Variants in SYNE1 observed in about 807,000 individuals in gnomAD.
SYNE1 encodes the protein spectrin repeat containing nuclear envelope protein 1, also known as nesprin-1.
In SYNE1, 616 loss-of-function variants were observed where a neutral mutation model predicts 1,111.0. The observed-to-expected ratio is 0.55, with a 90% CI of 0.52 to 0.59. SYNE1 has a LOEUF of 0.59. Among genes scored for constraint, SYNE1 ranks in the 20% least tolerant of loss-of-function variants. SYNE1 has a pLI of 0.00. For missense variants in SYNE1, 10,006 were observed against 10,417.0 expected (o/e 0.96, Z 1.72); for synonymous variants, 3,855 against 3,825.8 (o/e 1.01, Z -0.28).
intron 34 of SYNE1, among the ~76,000 whole-genome samples, chr6:152,431,526 T>C (rs2098428125): frequency 6.6e-6 from 1 of 152,226 alleles, no homozygotes; most frequent in Non-Finnish European, 1.5e-5. Flanking sequence ...TTTATGTGTG[T>C]CTGTGGAGTG....
chr6:152,456,581 C>T (rs900732900), intron 22 of SYNE1: 16 of 299,376 alleles, frequency 5.3e-5, no homozygotes, highest in Non-Finnish European at 7.8e-5. Context: ...GGTTCAGATC[C>T]TAATAAAAAA....
At chr6:152,222,544 A>G (rs1351190491) in intron 117 of SYNE1, among the ~76,000 whole-genome samples, 1 of 152,238 alleles carries the variant, frequency 6.6e-6, no homozygotes, top group Non-Finnish European at 1.5e-5. Context: ...ATGATTTTCA[A>G]TTGACAAATA....
chr6:152,403,311 G>GT (rs1251829122), intron 46 of SYNE1, among the ~76,000 whole-genome samples: 3 of 152,152 alleles, frequency 2.0e-5, no homozygotes, highest in African/African-American at 7.2e-5. Flanking sequence ...CATGGTTCCC[G>GT]TGGATTTGTG....
At chr6:152,575,515 C>A (rs868467985) in intron 3 of SYNE1, among the ~76,000 whole-genome samples, 20 of 152,220 alleles carry the variant, frequency 1.3e-4, no homozygotes, top group Middle Eastern at 3.4e-3. Flanking sequence ...AGTTGTTCAA[C>A]AATTTATTTA....
chr6:152,419,107 G>A (rs1033957759), intron 40 of SYNE1, among the ~76,000 whole-genome samples: 1 of 152,080 alleles, frequency 6.6e-6, no homozygotes, highest in Admixed American at 6.5e-5. Context: ...TTATTTGAAC[G>A]TTCAGAGAGC....
chr6:152,428,166 A>T, intron 37 of SYNE1, 39 bp downstream of exon 37: 4 of 1,609,236 alleles, frequency 2.5e-6, no homozygotes, highest in African/African-American at 1.3e-5. Context: ...AGAATTTCCT[A>T]TTTAGTAGTG....
At chr6:152,242,514 A>G in intron 106 of SYNE1, 74 bp from the exon 107 acceptor site, 1 of 1,559,462 alleles carries the variant, frequency 6.4e-7, no homozygotes, top group Non-Finnish European at 8.8e-7. Context: ...TGAACTATGA[A>G]CGCACCAAGC....
rs748386760 is a variant in SYNE1, at chr6:152,453,577, C to T, written c.3027+9G>A. 2 of 1,614,086 alleles carry T rather than the reference C, an allele frequency of 1.2e-6. No individual in the cohort carries two copies. Among genetic ancestry groups the T allele is most frequent in the African/African-American group, 2.7e-5 (2 of 74,924 alleles). On this transcript the variant is annotated intron_variant, in intron 25 of 145. Coordinates refer to ENST00000367255, the MANE Select transcript of SYNE1 (RefSeq NM_182961.4). ...GGATGCACGGTGTCTCCGTCCTGTCCTGACTCACCTTCCATTGTTTGTGGA... is the reference window on the plus strand; with the variant it reads ...GGATGCACGGTGTCTCCGTCCTGTCTTGACTCACCTTCCATTGTTTGTGGA...
intron 28 of SYNE1, among the ~76,000 whole-genome samples, chr6:152,448,662 CA>C (rs937498854): frequency 8.6e-5 from 13 of 151,986 alleles, no homozygotes; most frequent in Non-Finnish European, 1.8e-4. Flanking sequence ...AGCAACATGG[CA>C]AAACCCTACC....
At chr6:152,504,746 C>A (rs986531913) in intron 9 of SYNE1, among the ~76,000 whole-genome samples, 1 of 152,142 alleles carries the variant, frequency 6.6e-6, no homozygotes, top group African/African-American at 2.4e-5. Flanking sequence ...AAAAAACGTG[C>A]CAAACAATTG....
intron 75 of SYNE1, among the ~76,000 whole-genome samples, chr6:152,337,973 C>A (rs540075289): frequency 4.8e-4 from 73 of 152,056 alleles, no homozygotes; most frequent in African/African-American, 1.7e-3. Context: ...CACAGTGAAA[C>A]CCTTTCTCTA....
chr6:152,231,552 T>C lies in SYNE1; in HGVS notation c.20878A>G (p.Ile6960Val), dbSNP rs759030278. The C allele has an allele frequency of 3.1e-6, 5 of 1,614,142 alleles. No homozygotes were observed. In the South Asian group the frequency reaches 4.4e-5, roughly 14 times the overall value. Reference protein sequence around the residue: ...LQKYKGFKIDINCKQLTVDFV... With the variant: ...LQKYKGFKIDVNCKQLTVDFV... ...TCCACTGTCAGCTGTTTACAGTTAATGTCTATCTTAAAACCCTAAAAAAAA... is the reference window on the plus strand; with the variant it reads ...TCCACTGTCAGCTGTTTACAGTTAACGTCTATCTTAAAACCCTAAAAAAAA... Residue 6960 changes from isoleucine (I) to valine (V), a missense_variant, in exon 114 of 146, where the codon ATT (isoleucine) becomes GTT (valine). This residue lies in a region of SYNE1 where 2,182 missense variants were observed against 2,287.8 expected (regional missense o/e 0.95). Transcript: ENST00000367255.
intron 124 of SYNE1, 59 bp from the exon 125 acceptor site, chr6:152,208,265 A>G (rs954519167): frequency 6.7e-7 from 1 of 1,482,090 alleles, no homozygotes; most frequent in Non-Finnish European, 9.4e-7. Context: ...CAGTTACGCA[A>G]TCAGCCAATG....
chr6:152,558,475 T>C (rs953019274), intron 3 of SYNE1, among the ~76,000 whole-genome samples: 3 of 152,132 alleles, frequency 2.0e-5, no homozygotes, highest in South Asian at 2.1e-4. Flanking sequence ...AAGCACATAG[T>C]CTGAAAGTAA....
In SYNE1 at chr6:152,148,296, T is replaced by C. The variant is rs764282910; in HGVS notation, c.24725A>G (p.Asp8242Gly). The C allele has an allele frequency of 7.4e-6, 12 of 1,613,840 alleles. No homozygotes were observed. The highest frequency in any genetic ancestry group is 1.0e-5 in the Non-Finnish European group (12 of 1,179,884). ...SAALSDLHWH[D>G]RSADSLLSPQ... ...AGAAAGCAGGCTGTCTGCAGAGCGG[T>C]CGTGCCAGTGCAGGTCCGACAGAGC... Residue 8242 changes from aspartate (D) to glycine (G), a missense_variant, in exon 137 of 146, where the codon GAC (aspartate) becomes GGC (glycine). By Grantham distance (94) the Asp-to-Gly change is moderately conservative (BLOSUM62 -1). Coordinates refer to ENST00000367255, the MANE Select transcript of SYNE1 (RefSeq NM_182961.4). The surrounding 1 kb of genome is among the most constrained non-coding windows in gnomAD (Gnocchi z 4.1).
intron 87 of SYNE1, among the ~76,000 whole-genome samples, chr6:152,313,583 C>A (rs1481870041): frequency 1.3e-5 from 2 of 151,854 alleles, no homozygotes; most frequent in African/African-American, 2.4e-5. Context: ...CTGCCTCAGC[C>A]ATCCGAGCAG....
At chr6:152,515,965 G>C (rs1315993630) in intron 6 of SYNE1, among the ~76,000 whole-genome samples, 6 of 151,676 alleles carry the variant, frequency 4.0e-5, no homozygotes, top group Non-Finnish European at 8.8e-5. Flanking sequence ...AACTAAATAA[G>C]AATAAAAGGA....
intron 6 of SYNE1, among the ~76,000 whole-genome samples, chr6:152,513,218 G>T (rs1306859455): frequency 1.3e-5 from 2 of 152,140 alleles, no homozygotes; most frequent in Non-Finnish European, 1.5e-5. Flanking sequence ...TGAATGGAAT[G>T]AATTATTATT....
chr6:152,260,802 A>G (rs549955157), intron 101 of SYNE1, among the ~76,000 whole-genome samples: 19 of 152,170 alleles, frequency 1.2e-4, no homozygotes, highest in African/African-American at 4.6e-4. Flanking sequence ...ACTCACAAGC[A>G]TAGTTCACAA....
Sources: allele counts gnomAD v4.1 joint callset (sites outside exome capture counted in the v4.1 genomes callset), GRCh38; gene constraint gnomAD v4.1.1; regional missense constraint gnomAD v4.1.1; non-coding constraint Gnocchi (gnomAD v3.1); transcripts MANE v1.5; gene names NCBI Gene and HGNC (gene_info 2026-07-23, HGNC 2026-07-21).